CNTN6: variants seen among roughly 807,000 people sequenced by gnomAD.
CNTN6 encodes contactin 6.
A neutral mutation model predicts 122.8 loss-of-function variants in CNTN6; 137 were observed. The ratio of observed to expected loss-of-function variants is 1.12; its 90% confidence interval spans 0.97 to 1.29. The LOEUF is 1.29. Ranked by LOEUF, CNTN6 falls within the 50% of genes most tolerant of loss-of-function variation. CNTN6 has a pLI of 0.00. For missense variants in CNTN6, 1,634 were observed against 1,223.4 expected, an observed-to-expected ratio of 1.34 and a Z score of -5.01; for synonymous variants, 570 against 426.0, an observed-to-expected ratio of 1.34 and a Z score of -4.16.
At chr3:1,353,275 C>T (rs1324018790) in intron 12 of CNTN6, among the ~76,000 whole-genome samples, 1 of 151,646 alleles carries the variant, frequency 6.6e-6, no homozygotes, top group East Asian at 1.9e-4. Flanking sequence ...TTAAAATCAG[C>T]ATTTGGTGCT....
At chr3:1,366,660 C>T (rs13063912) in intron 12 of CNTN6, among the ~76,000 whole-genome samples, 25,595 of 152,072 alleles carry the variant, frequency 0.17, 2,361 homozygotes, top group Middle Eastern at 0.28. Flanking sequence ...GTGGGGTACT[C>T]ATGTTAGTGC....
At chr3:1,280,029 T>C (rs1471993274) in intron 5 of CNTN6, among the ~76,000 whole-genome samples, 1 of 152,178 alleles carries the variant, frequency 6.6e-6, no homozygotes, top group Non-Finnish European at 1.5e-5. Flanking sequence ...TAGAAGATTA[T>C]TTTCCGGCAC....
chr3:1,389,038 A>G (rs371762606), intron 20 of CNTN6, among the ~76,000 whole-genome samples: 1,602 of 141,996 alleles, frequency 0.011, 4 homozygotes, highest in Middle Eastern at 0.015. Context: ...GCAGGCCAAC[A>G]TTCAGATTCA....
intron 5 of CNTN6, among the ~76,000 whole-genome samples, chr3:1,289,150 G>A (rs1376705562): frequency 6.6e-6 from 1 of 151,116 alleles, no homozygotes; most frequent in Non-Finnish European, 1.5e-5. Flanking sequence ...AGCCAAATGG[G>A]AAGGTTTTTA....
At chr3:1,277,761 G>A (rs1692680026) in intron 4 of CNTN6, among the ~76,000 whole-genome samples, 1 of 152,126 alleles carries the variant, frequency 6.6e-6, no homozygotes, top group Non-Finnish European at 1.5e-5. Context: ...GAGAATGGGT[G>A]ACCATTCTTC....
chr3:1,259,580 T>C (rs939651737), intron 4 of CNTN6, among the ~76,000 whole-genome samples: 3 of 151,944 alleles, frequency 2.0e-5, no homozygotes, highest in Non-Finnish European at 2.9e-5. Flanking sequence ...AAGGACTAAA[T>C]ACAAGATGCA....
intron 5 of CNTN6, among the ~76,000 whole-genome samples, chr3:1,280,485 G>A (rs1302375999): frequency 1.2e-4 from 1 of 8,034 alleles, no homozygotes; most frequent in African/African-American, 6.5e-4. Context: ...TTTTTTTTGT[G>A]ATAGCATCTC....
chr3:1,128,278 T>G (rs2092232959), intron 1 of CNTN6: 1 of 152,044 alleles, frequency 6.6e-6, no homozygotes, highest in African/African-American at 2.4e-5. Flanking sequence ...ATGCCTACTC[T>G]GAGGCCTTAA....
intron 4 of CNTN6, among the ~76,000 whole-genome samples, chr3:1,255,011 C>G (rs1156278598): frequency 6.6e-6 from 1 of 152,018 alleles, no homozygotes; most frequent in Non-Finnish European, 1.5e-5. Context: ...ATTGTTGGCC[C>G]AGGCTGGGGC....
At chr3:1,245,072 T>C (rs1221347464) in intron 4 of CNTN6, among the ~76,000 whole-genome samples, 10 of 148,220 alleles carry the variant, frequency 6.7e-5, no homozygotes, top group South Asian at 6.5e-4. Flanking sequence ...GATGGCCTGG[T>C]CTGGGCTCAG....
intron 2 of CNTN6, among the ~76,000 whole-genome samples, chr3:1,178,240 A>G (rs1313232558): frequency 1.3e-5 from 2 of 152,070 alleles, no homozygotes; most frequent in African/African-American, 2.4e-5. Flanking sequence ...CAGGATTCCA[A>G]TTACACTCAG....
intron 4 of CNTN6, among the ~76,000 whole-genome samples, chr3:1,268,569 T>C (rs190682304): frequency 0.023 from 2,985 of 131,298 alleles, 76 homozygotes; most frequent in African/African-American, 0.046. Context: ...ATTGAGCCAC[T>C]GCACTCCAGC....
At chr3:1,358,460 TTTTTTTTTTTTTAGG>T (rs1349452161) in intron 12 of CNTN6, among the ~76,000 whole-genome samples, 1 of 55,938 alleles carries the variant, frequency 1.8e-5, no homozygotes, top group African/African-American at 1.9e-4. Context: ...CTAGGGCCAT[TTTTTTTTTTTTTAGG>T]AATAAACTAT....
intron 1 of CNTN6, among the ~76,000 whole-genome samples, chr3:1,129,536 C>T (rs1252033781): frequency 6.6e-6 from 1 of 152,082 alleles, no homozygotes; most frequent in Non-Finnish European, 1.5e-5. Context: ...TGCACAGTCA[C>T]TTTGCATTTT....
chr3:1,310,048 T>C (rs1286576033), intron 7 of CNTN6, among the ~76,000 whole-genome samples: 1 of 152,148 alleles, frequency 6.6e-6, no homozygotes, highest in East Asian at 1.9e-4. Context: ...TTCTTGGGGA[T>C]TTTTCATTGC....
intron 1 of CNTN6, among the ~76,000 whole-genome samples, chr3:1,105,408 C>T (rs1289868250): frequency 2.0e-5 from 3 of 152,028 alleles, no homozygotes; most frequent in East Asian, 1.9e-4. Context: ...CATCAGATAT[C>T]GGTGAGATAA....
chr3:1,261,968 A>C (rs2125710040), intron 4 of CNTN6, among the ~76,000 whole-genome samples: 1 of 152,230 alleles, frequency 6.6e-6, no homozygotes, highest in Admixed American at 6.5e-5. Context: ...GTTCTTGGTA[A>C]ATTACTGGAT....
At chr3:1,201,099 T>TGTGTGTGTGTGTGTGTGTGTG (rs2093862065) in intron 2 of CNTN6, among the ~76,000 whole-genome samples, 9 of 130,088 alleles carry the variant, frequency 6.9e-5, no homozygotes, top group African/African-American at 2.3e-4. Context: ...AGCTAACATT[T>TGTGTGTGTGTGTGTGTGTGTG]TGTGTGTGTG....
At chr3:1,094,278 TCA>T (rs1334743723) in intron 1 of CNTN6, among the ~76,000 whole-genome samples, 2 of 152,096 alleles carry the variant, frequency 1.3e-5, no homozygotes, top group Non-Finnish European at 2.9e-5. Flanking sequence ...CCCTCCTCCT[TCA>T]CACACATGTG....
Sources: gnomAD v4.1 joint callset for allele counts (sites outside exome capture counted in the v4.1 genomes callset) on GRCh38, gnomAD v4.1.1 for gene constraint, MANE v1.5 for transcripts, NCBI Gene and HGNC (gene_info 2026-07-23, HGNC 2026-07-21) for gene names.